The following OBP2B variants were observed in gnomAD, a reference collection of about 807,000 sequenced individuals.
The protein encoded by OBP2B is odorant binding protein 2B.
In OBP2B, 10 loss-of-function variants were observed where a neutral mutation model predicts 21.7. That is an observed-to-expected ratio of 0.46 (90% CI 0.28 to 0.78). OBP2B has a LOEUF of 0.78. Ranked by LOEUF, OBP2B falls within the 30% of genes least tolerant of loss-of-function variation. OBP2B has a pLI of 0.11. For synonymous variants in OBP2B, 73 were observed against 91.5 expected, an observed-to-expected ratio of 0.80 and a Z score of 1.16; for missense variants, 153 against 217.7, an observed-to-expected ratio of 0.70 and a Z score of 1.87.
At chr9:133,218,413 C>T in the OBP2B span, among the ~76,000 whole-genome samples, 10 of 152,300 alleles carry the variant, frequency 6.6e-5, no homozygotes, top group East Asian at 1.9e-4. Context: ...CTGTGACTTA[C>T]GTATTTAAGG....
chr9:133,206,338 T>C lies in OBP2B; in HGVS notation c.467A>G (p.Asp156Gly), dbSNP rs1833708747. The C allele has an allele frequency of 1.2e-6, 2 of 1,613,880 alleles. No individual in the cohort carries two copies. The highest frequency in any genetic ancestry group is 2.2e-5 in the South Asian group (2 of 91,066). ...LVQRKGLSEE[D>G]IFTPLQTGSC... Reference sequence around the variant, plus strand: ...ACCCGTCTGCAGGGGCGTGAAAATGTCCTCCTCCGAGAGTCCCTTGCGCTG... The same window carrying C: ...ACCCGTCTGCAGGGGCGTGAAAATGCCCTCCTCCGAGAGTCCCTTGCGCTG... Residue 156 changes from aspartate to glycine, a missense_variant, in exon 5 of 7, where the codon GAC becomes GGC. Physicochemically the swap from Asp to Gly is moderately conservative, Grantham distance 94 (BLOSUM62 -1). Coordinates refer to ENST00000372034, the MANE Select transcript of OBP2B (RefSeq NM_014581.4).
chr9:133,215,132 T>C, the OBP2B span, among the ~76,000 whole-genome samples: 1 of 152,212 alleles, frequency 6.6e-6, no homozygotes, highest in African/African-American at 2.4e-5. Flanking sequence ...GTCTACATAC[T>C]AGTAACGGAC....
the OBP2B span, among the ~76,000 whole-genome samples, chr9:133,218,516 G>T: frequency 3.9e-5 from 6 of 152,222 alleles, no homozygotes; most frequent in Non-Finnish European, 4.4e-5. Context: ...AACCCAGGAT[G>T]GTGCACTGAT....
chr9:133,206,476 C>T, intron 4 of OBP2B, 60 bp from the exon 5 acceptor site: 1 of 1,602,582 alleles, frequency 6.2e-7, no homozygotes, highest in South Asian at 1.1e-5. Flanking sequence ...CTGCAGGGAG[C>T]AGATGCCGAA....
rs1474035401 is a variant in OBP2B, at chr9:133,206,296, T to G, written c.490+19A>C. 1.2e-6 allele frequency: 2 copies of G among 1,609,428 alleles called. No individual in the cohort carries two copies. Among genetic ancestry groups the G allele is most frequent in the Non-Finnish European group, 1.7e-6 (2 of 1,175,808 alleles). On this transcript the variant is annotated intron_variant, in intron 5 of 6. Coordinates refer to ENST00000372034, the MANE Select transcript of OBP2B (RefSeq NM_014581.4). ...GACACAGCAGAGGGACACAGGGGACTGGGCACAGCCATCCTCACCCGTCTG... is the reference window on the plus strand; with the variant it reads ...GACACAGCAGAGGGACACAGGGGACGGGGCACAGCCATCCTCACCCGTCTG...
chr9:133,209,450 C>T (rs1564287533), upstream of OBP2B, among the ~76,000 whole-genome samples: 1 of 152,162 alleles, frequency 6.6e-6, no homozygotes, highest in Admixed American at 6.5e-5. This position sits in a 1 kb window ranked among gnomAD's most constrained non-coding sequence, Gnocchi z 6.0. Context: ...CCAGAGTTTG[C>T]ACCACCCGAA....
At chr9:133,206,676 C>T (rs1833726126) in intron 4 of OBP2B, among the ~76,000 whole-genome samples, 1 of 150,212 alleles carries the variant, frequency 6.7e-6, no homozygotes, top group South Asian at 2.1e-4. Context: ...CAGCACCGGA[C>T]AAGCAGGAGA....
intron 3 of OBP2B, 136 bp downstream of exon 3, chr9:133,207,997 G>A: frequency 6.6e-7 from 1 of 1,519,466 alleles, no homozygotes; most frequent in Non-Finnish European, 8.8e-7. Context: ...AGGAAGGAGA[G>A]GCCAGCCCCT....
chr9:133,210,722 G>A (rs1225563469), upstream of OBP2B, among the ~76,000 whole-genome samples: 1 of 152,190 alleles, frequency 6.6e-6, no homozygotes, highest in Admixed American at 6.5e-5. Context: ...TGAGGTCCAC[G>A]CTCAGTGCGA....
At chr9:133,207,825 T>G in intron 3 of OBP2B, 3 of 1,458,160 alleles carry the variant, frequency 2.1e-6, no homozygotes, top group Non-Finnish European at 2.7e-6. Flanking sequence ...TCCCTAACCC[T>G]CAGCCTCCCC....
intron 3 of OBP2B, 74 bp downstream of exon 3, chr9:133,208,059 C>A: frequency 6.6e-7 from 1 of 1,514,920 alleles, no homozygotes; most frequent in South Asian, 1.2e-5. Context: ...CCTGGGCACT[C>A]TCTACCTGTG....
the OBP2B span, among the ~76,000 whole-genome samples, chr9:133,215,244 T>C: frequency 6.6e-6 from 1 of 152,190 alleles, no homozygotes; most frequent in Admixed American, 6.5e-5. Flanking sequence ...CTGAAAATAA[T>C]GCAATGATTA....
intron 2 of OBP2B, 109 bp downstream of exon 2, chr9:133,208,360 G>A (rs1218137976): frequency 1.3e-6 from 2 of 1,599,568 alleles, no homozygotes; most frequent in African/African-American, 1.3e-5. Flanking sequence ...TCCAAGGCAG[G>A]GGGTGACTCT....
At position 133,208,118 on chromosome 9, in the gene OBP2B, G is replaced by A. The variant is rs782086964; in HGVS notation, c.277+15C>T. On this transcript the variant is annotated intron_variant, in intron 3 of 6. Transcript: ENST00000372034. ...GGTGGGGGAGGGTGGGGGTGGGAGT[G>A]GGGGAGGGGCTCACAGGCGCTGTAT... The A allele has an allele frequency of 6.3e-6, 10 of 1,583,560 alleles. No individual in the cohort carries two copies. The East Asian group carries it at 6.8e-5, about 11-fold the overall frequency.
upstream of OBP2B, among the ~76,000 whole-genome samples, chr9:133,212,753 A>C (rs1318592167): frequency 6.6e-6 from 1 of 152,208 alleles, no homozygotes; most frequent in Admixed American, 6.5e-5. Flanking sequence ...CAACATGGCG[A>C]AAACCCATCT....
the OBP2B span, among the ~76,000 whole-genome samples, chr9:133,218,965 G>A: frequency 6.6e-6 from 1 of 152,206 alleles, no homozygotes; most frequent in African/African-American, 2.4e-5. Context: ...GGTAAAGAAG[G>A]ATTCCAAGGA....
At chr9:133,215,742 A>T in the OBP2B span, among the ~76,000 whole-genome samples, 1 of 152,246 alleles carries the variant, frequency 6.6e-6, no homozygotes. Context: ...GCATAGATCA[A>T]TGGGACAGAC....
At chr9:133,209,344 C>A (rs1588619123), upstream of OBP2B, 3 of 776,710 alleles carry the variant, frequency 3.9e-6, no homozygotes, top group East Asian at 5.4e-5. This position sits in a 1 kb window ranked among gnomAD's most constrained non-coding sequence, Gnocchi z 6.0. Context: ...ATGGTGGCAA[C>A]CAGTCCTGCA....
At chr9:133,219,017 T>G in the OBP2B span, among the ~76,000 whole-genome samples, 1 of 152,288 alleles carries the variant, frequency 6.6e-6, no homozygotes, top group East Asian at 1.9e-4. Flanking sequence ...GTGCAAGAAT[T>G]AGTTGAGATG....
Sources: allele counts gnomAD v4.1 joint callset (sites outside exome capture counted in the v4.1 genomes callset), GRCh38; gene constraint gnomAD v4.1.1; non-coding constraint Gnocchi (gnomAD v3.1); transcripts MANE v1.5; gene names NCBI Gene and HGNC (gene_info 2026-07-23, HGNC 2026-07-21).